The following GADL1 variants were observed in gnomAD, a reference collection of about 807,000 sequenced individuals.
GADL1 encodes GAD like acidic amino acid decarboxylase 1, also known as acidic amino acid decarboxylase GADL1.
A neutral mutation model predicts 69.5 loss-of-function variants in GADL1; 71 were observed. The ratio of observed to expected loss-of-function variants is 1.02; its 90% CI spans 0.84 to 1.25. The LOEUF is 1.25. GADL1 is among the 50% of genes most tolerant of loss of function. The pLI, the probability that GADL1 is intolerant of heterozygous loss-of-function variation, is 0.00. For missense variants in GADL1, 737 were observed against 631.8 expected (o/e 1.17, Z -1.79); for synonymous variants, 254 against 214.4 (o/e 1.18, Z -1.62).
chr3:30,842,002 C>T (rs933140469), intron 8 of GADL1, among the ~76,000 whole-genome samples: 1 of 152,108 alleles, frequency 6.6e-6, no homozygotes, highest in African/African-American at 2.4e-5. Context: ...ATGTAATCCA[C>T]AAAAATCTAT....
chr3:30,797,769 A>C (rs373093580), intron 12 of GADL1: 6 of 151,890 alleles, frequency 4.0e-5, no homozygotes, highest in African/African-American at 1.5e-4. Flanking sequence ...TGTGGGATTG[A>C]GAGCATTCTA....
intron 14 of GADL1, among the ~76,000 whole-genome samples, chr3:30,738,489 C>T (rs1161800758): frequency 6.6e-6 from 1 of 152,084 alleles, no homozygotes; most frequent in Non-Finnish European, 1.5e-5. Flanking sequence ...TATCCTGAGA[C>T]CTTTAAGTTT....
At chr3:30,866,672 T>G (rs942860059) in intron 1 of GADL1, among the ~76,000 whole-genome samples, 1 of 151,996 alleles carries the variant, frequency 6.6e-6, no homozygotes, top group Non-Finnish European at 1.5e-5. Context: ...CAGAGCTTCC[T>G]CCACCATGTT....
chr3:30,790,560 G>A (rs1458193598), intron 12 of GADL1, among the ~76,000 whole-genome samples: 5 of 152,276 alleles, frequency 3.3e-5, no homozygotes, highest in South Asian at 4.1e-4. Flanking sequence ...TATTAACCAT[G>A]TTTCCCAATG....
intron 13 of GADL1, among the ~76,000 whole-genome samples, chr3:30,781,183 A>C (rs538129079): frequency 1.3e-5 from 2 of 152,140 alleles, no homozygotes; most frequent in Admixed American, 6.5e-5. Flanking sequence ...TAATCTTTAA[A>C]AAATTCATGA....
At chr3:30,765,223 G>T (rs1247021331) in intron 14 of GADL1, among the ~76,000 whole-genome samples, 1 of 152,038 alleles carries the variant, frequency 6.6e-6, no homozygotes, top group African/African-American at 2.4e-5. Context: ...TCCCCACATG[G>T]ATCACCACTC....
chr3:30,789,373 T>TA (rs1447607313), intron 12 of GADL1, among the ~76,000 whole-genome samples: 1 of 152,216 alleles, frequency 6.6e-6, no homozygotes, highest in Non-Finnish European at 1.5e-5. Flanking sequence ...AACCATGCCA[T>TA]AAAGAGATGT....
chr3:30,783,081 G>GT (rs1328258734), intron 13 of GADL1, among the ~76,000 whole-genome samples: 15 of 152,296 alleles, frequency 9.8e-5, no homozygotes, highest in South Asian at 2.1e-4. Flanking sequence ...TCAATCACAG[G>GT]TTGACCACCT....
In GADL1 at chr3:30,893,461, C is replaced by CA. The variant is rs374596755; in HGVS notation, c.37+1116dup. On this transcript the variant is annotated intron_variant, in intron 1 of 14. Coordinates refer to ENST00000282538, the MANE Select transcript of GADL1 (RefSeq NM_207359.3). ...CATTAACTATATTCACCCTACTGTG[C>CA]AATACAACACTGGAATTTATTCTTA... Among the ~76,000 whole-genome samples, 154 of 152,132 alleles carry CA rather than the reference C, an allele frequency of 1.0e-3. 1 individual carries two copies. The highest frequency in any genetic ancestry group is 3.5e-3 in the African/African-American group (146 of 41,476).
intron 4 of GADL1, among the ~76,000 whole-genome samples, chr3:30,853,866 C>T (rs542784921): frequency 6.6e-6 from 1 of 152,210 alleles, no homozygotes; most frequent in African/African-American, 2.4e-5. Flanking sequence ...TCCCCTCCAA[C>T]CTATTTATAT....
At chr3:30,828,648 A>T (rs1323108309) in intron 11 of GADL1, among the ~76,000 whole-genome samples, 1 of 151,918 alleles carries the variant, frequency 6.6e-6, no homozygotes, top group African/African-American at 2.4e-5. Context: ...GAGGTATAAA[A>T]TGTCAATAGA....
chr3:30,790,842 A>G (rs528560870), intron 12 of GADL1, among the ~76,000 whole-genome samples: 3 of 152,312 alleles, frequency 2.0e-5, no homozygotes, highest in East Asian at 1.9e-4. Context: ...ATTCATAAGT[A>G]GGGAATTAAA....
chr3:30,738,916 A>T (rs796793666), intron 14 of GADL1, among the ~76,000 whole-genome samples: 10 of 152,230 alleles, frequency 6.6e-5, no homozygotes, highest in African/African-American at 2.4e-4. Context: ...TTCTCTGAGA[A>T]TTCTATTACT....
At chr3:30,798,018 T>C (rs887624006) in intron 12 of GADL1, 1 of 152,216 alleles carries the variant, frequency 6.6e-6, no homozygotes, top group African/African-American at 2.4e-5. Flanking sequence ...TTTTCTAATG[T>C]TCTTGAAAGT....
At chr3:30,883,669 T>C (rs1272363102) in intron 1 of GADL1, among the ~76,000 whole-genome samples, 1 of 152,024 alleles carries the variant, frequency 6.6e-6, no homozygotes. Flanking sequence ...ATTTTTATAT[T>C]TCTGCAAAAA....
chr3:30,860,910 T>C (rs1409921782), intron 2 of GADL1, among the ~76,000 whole-genome samples: 1 of 151,962 alleles, frequency 6.6e-6, no homozygotes, highest in African/African-American at 2.4e-5. Flanking sequence ...AGCTCTAAAA[T>C]GGGGGTAATA....
Position 30,894,578 on chromosome 3 carries a change from C to T in GADL1, c.37G>A (p.Gly13Arg). The change falls in exon 1 of 15, where the codon GGA becomes AGA. Residue 13 changes from glycine (G) to arginine (R), a missense_variant and splice_region_variant. Coordinates refer to ENST00000282538, the MANE Select transcript of GADL1 (RefSeq NM_207359.3). ...SDSDRQCPVD[G>R]DIDQQEMIPS... is the part of the protein sequence containing the mutation. Reference sequence around the variant, plus strand: ...AACCGCAGCCGCGCTGAGTCGTTACCGTCCACAGGACACTGGCGGTCCGAG... The same window carrying T: ...AACCGCAGCCGCGCTGAGTCGTTACTGTCCACAGGACACTGGCGGTCCGAG... The T allele has an allele frequency of 2.6e-6, 4 of 1,549,844 alleles. No individual in the cohort carries two copies. Among genetic ancestry groups the T allele is most frequent in the East Asian group, 2.5e-5 (1 of 40,704 alleles).
Position 30,879,375 on chromosome 3 carries a change from T to A in GADL1, c.37+15203A>T, listed in dbSNP as rs144357024. 1.4e-3 allele frequency among the ~76,000 whole-genome samples: 218 copies of A among 151,998 alleles called. 3 individuals carry two copies. The highest frequency in any genetic ancestry group is 5.0e-3 in the African/African-American group (207 of 41,518). ...CACTGGGAGGACCAAGGGTACTCAATTAATCTACCTTCCTCTGAGGACAAA... is the reference window on the plus strand; with the variant it reads ...CACTGGGAGGACCAAGGGTACTCAAATAATCTACCTTCCTCTGAGGACAAA... On this transcript the variant is annotated intron_variant, in intron 1 of 14. Transcript: ENST00000282538.
At chr3:30,846,329 C>G (rs549066682) in intron 6 of GADL1, among the ~76,000 whole-genome samples, 1 of 152,118 alleles carries the variant, frequency 6.6e-6, no homozygotes, top group African/African-American at 2.4e-5. Context: ...ACGAAAAAAA[C>G]TCTCAGCGGG....
Sources: allele counts gnomAD v4.1 joint callset (sites outside exome capture counted in the v4.1 genomes callset), GRCh38; gene constraint gnomAD v4.1.1; transcripts MANE v1.5; gene names NCBI Gene and HGNC (gene_info 2026-07-23, HGNC 2026-07-21).